Variants in PLBD1 observed in about 807,000 individuals in gnomAD.
PLBD1 encodes lysosomal leucine aminopeptidase.
PLBD1 carries 60 observed loss-of-function variants against 63.0 expected under a neutral mutation model. The observed-to-expected ratio is 0.95, with a 90% CI of 0.77 to 1.18. The LOEUF (loss-of-function observed/expected upper bound fraction) is 1.18, where lower values mean the gene tolerates loss of function less well. Ranked by LOEUF, PLBD1 falls within the 50% of genes most tolerant of loss-of-function variation. PLBD1 has a pLI of 0.00. For synonymous variants in PLBD1, 262 were observed against 248.0 expected, an observed-to-expected ratio of 1.06 and a Z score of -0.53; for missense variants, 598 against 677.9, an observed-to-expected ratio of 0.88 and a Z score of 1.31.
At chr12:14,541,380 C>T (rs1318433231) in intron 3 of PLBD1, among the ~76,000 whole-genome samples, 1 of 152,170 alleles carries the variant, frequency 6.6e-6, no homozygotes, top group African/African-American at 2.4e-5. Context: ...TGATTCATTC[C>T]GTTTCAGTTG....
chr12:14,504,740 G>T (rs1945238196), intron 10 of PLBD1, among the ~76,000 whole-genome samples: 1 of 152,142 alleles, frequency 6.6e-6, no homozygotes, highest in Non-Finnish European at 1.5e-5. Flanking sequence ...TGAGGGCCGT[G>T]GTTCTCAAAA....
intron 8 of PLBD1, among the ~76,000 whole-genome samples, chr12:14,508,641 A>C (rs1213832609): frequency 6.6e-6 from 1 of 152,038 alleles, no homozygotes; most frequent in African/African-American, 2.4e-5. Context: ...ATTGGGGTGC[A>C]CACCTGTGGT....
chr12:14,540,079 C>A (rs1282728711), intron 4 of PLBD1, among the ~76,000 whole-genome samples: 12 of 54,672 alleles, frequency 2.2e-4, no homozygotes, highest in South Asian at 5.4e-4. Context: ...TCAAAATAGG[C>A]AAAAAGAGAG....
intron 6 of PLBD1, among the ~76,000 whole-genome samples, chr12:14,531,591 T>C (rs1945462418): frequency 6.6e-6 from 1 of 152,194 alleles, no homozygotes; most frequent in South Asian, 2.1e-4. Flanking sequence ...TGTTTTCTGT[T>C]GGACTCTTCA....
At chr12:14,553,122 G>C in intron 2 of PLBD1, 71 bp downstream of exon 2, 2 of 1,296,176 alleles carry the variant, frequency 1.5e-6, no homozygotes, top group Non-Finnish European at 2.2e-6. Context: ...CCAGGAAGAT[G>C]AGAGTCACTG....
At chr12:14,507,986 T>A (rs1203421389) in intron 8 of PLBD1, among the ~76,000 whole-genome samples, 1 of 152,234 alleles carries the variant, frequency 6.6e-6, no homozygotes, top group African/African-American at 2.4e-5. Context: ...CTGGCCCTTT[T>A]CTGCCTTTCT....
At chr12:14,524,543 A>G (rs1945402465) in intron 6 of PLBD1, among the ~76,000 whole-genome samples, 1 of 152,240 alleles carries the variant, frequency 6.6e-6, no homozygotes, top group Admixed American at 6.5e-5. Flanking sequence ...ACCAGGCACT[A>G]CAGTTAACAA....
chr12:14,518,939 C>CAA (rs771914020), intron 6 of PLBD1, among the ~76,000 whole-genome samples: 2 of 142,978 alleles, frequency 1.4e-5, no homozygotes, highest in Admixed American at 7.0e-5. Context: ...ATTACCCAGC[C>CAA]AAAAAAAAAA....
intron 6 of PLBD1, among the ~76,000 whole-genome samples, chr12:14,521,427 A>G (rs1945375209): frequency 6.6e-6 from 1 of 152,038 alleles, no homozygotes; most frequent in East Asian, 1.9e-4. Flanking sequence ...GTGGCGCATG[A>G]AACAAACTGG....
chr12:14,546,471 C>A (rs2136927542), intron 2 of PLBD1, among the ~76,000 whole-genome samples: 1 of 152,262 alleles, frequency 6.6e-6, no homozygotes, highest in East Asian at 1.9e-4. Flanking sequence ...CATCACTGCA[C>A]CCTGCCTAGC....
At chr12:14,508,900 A>G (rs918720869) in intron 8 of PLBD1, among the ~76,000 whole-genome samples, 3 of 152,162 alleles carry the variant, frequency 2.0e-5, no homozygotes, top group Admixed American at 2.0e-4. Context: ...TTGGCTCACA[A>G]AACTTGACAG....
At chr12:14,517,717 G>A (rs77441894) in intron 6 of PLBD1, among the ~76,000 whole-genome samples, 354 of 152,242 alleles carry the variant, frequency 2.3e-3, no homozygotes, top group African/African-American at 7.6e-3. Flanking sequence ...CATGCCACAG[G>A]CTCAGACTGT....
At chr12:14,530,753 C>T (rs559861409) in intron 6 of PLBD1, among the ~76,000 whole-genome samples, 1 of 152,148 alleles carries the variant, frequency 6.6e-6, no homozygotes, top group African/African-American at 2.4e-5. Flanking sequence ...ATTTCAGTGC[C>T]GTCATTTTCT....
intron 2 of PLBD1, among the ~76,000 whole-genome samples, chr12:14,549,563 T>G (rs953749882): frequency 3.9e-5 from 6 of 152,158 alleles, no homozygotes; most frequent in Admixed American, 1.3e-4. Context: ...AGAGAAGGAC[T>G]GTTGGGAGCA....
chr12:14,567,704 C>T lies in PLBD1; in HGVS notation c.-8G>A. 1 of 1,425,332 alleles carries T rather than the reference C, an allele frequency of 7.0e-7. No homozygotes were observed. Among genetic ancestry groups the T allele is most frequent in the Non-Finnish European group, 9.1e-7 (1 of 1,103,624 alleles). The allele number at this position is 1,425,332 out of a possible 1,614,324, so 88.3% of individuals were successfully genotyped here. ...CGGACCGCCGCGGGTCATCGCTCCACGGCCGCGACCTTCCTCTGCGGGATC... is the reference window on the plus strand; with the variant it reads ...CGGACCGCCGCGGGTCATCGCTCCATGGCCGCGACCTTCCTCTGCGGGATC... On this transcript the variant is annotated 5_prime_UTR_variant, in exon 1 of 11. It adds an upstream start codon to the 5' untranslated region. Coordinates refer to ENST00000240617, the MANE Select transcript of PLBD1 (RefSeq NM_024829.6).
rs754389787 is a variant in PLBD1, at chr12:14,506,183, A to G, written c.1458T>C (p.Pro486=). The change falls in exon 10 of 11, where the codon CCT becomes CCC. Residue 486 remains proline (P), a synonymous_variant. Coordinates refer to ENST00000240617, the MANE Select transcript of PLBD1 (RefSeq NM_024829.6). The stretch of plus-strand genomic sequence containing the variant: ...TTACCTTTGTGTCATAACAACCTCC[A>G]GGACTTGGGTTAGGTGAGTTCAGGT... ...REDLNSPNPS[P]GGCYDTKVAD... 5 of 1,610,366 alleles carry G rather than the reference A, an allele frequency of 3.1e-6. 1 individual carries two copies.
intron 6 of PLBD1, among the ~76,000 whole-genome samples, chr12:14,531,501 TA>T (rs1216602438): frequency 1.3e-5 from 2 of 152,174 alleles, no homozygotes; most frequent in Non-Finnish European, 2.9e-5. Context: ...CCCAGAGTGT[TA>T]AAAAAATTGT....
chr12:14,521,850 C>A (rs1156406165), intron 6 of PLBD1, among the ~76,000 whole-genome samples: 1 of 151,584 alleles, frequency 6.6e-6, no homozygotes, highest in Non-Finnish European at 1.5e-5. Flanking sequence ...AAAATATGAT[C>A]TTAAGGAAAA....
At chr12:14,545,755 T>C (rs1357092290) in intron 2 of PLBD1, among the ~76,000 whole-genome samples, 1 of 152,212 alleles carries the variant, frequency 6.6e-6, no homozygotes, top group Non-Finnish European at 1.5e-5. Flanking sequence ...CACGACATTA[T>C]GATCCTTTGA....
Sources: gnomAD v4.1 joint callset for allele counts (sites outside exome capture counted in the v4.1 genomes callset) on GRCh38, gnomAD v4.1.1 for gene constraint, MANE v1.5 for transcripts, NCBI Gene and HGNC (gene_info 2026-07-23, HGNC 2026-07-21) for gene names.